The following ZMYM2 variants were observed in gnomAD, a reference collection of about 807,000 sequenced individuals.
The protein encoded by ZMYM2 is zinc finger MYM-type containing 2.
A neutral mutation model predicts 162.8 loss-of-function variants in ZMYM2; 56 were observed. The ratio of observed to expected loss-of-function variants is 0.34; its 90% confidence interval spans 0.28 to 0.43. The LOEUF (loss-of-function observed/expected upper bound fraction) is 0.43, where lower values mean the gene tolerates loss of function less well. Ranked by LOEUF, ZMYM2 falls within the 20% of genes least tolerant of loss-of-function variation. The pLI, the probability that ZMYM2 is intolerant of heterozygous loss-of-function variation, is 1.00. For synonymous variants in ZMYM2, 510 were observed against 541.6 expected (o/e 0.94, Z 0.81); for missense variants, 1,275 against 1,621.8 (o/e 0.79, Z 3.67).
intron 14 of ZMYM2, among the ~76,000 whole-genome samples, chr13:20,054,449 T>A (rs1390357013): frequency 2.0e-5 from 3 of 152,162 alleles, no homozygotes; most frequent in Non-Finnish European, 4.4e-5. Flanking sequence ...TCCTCCTATG[T>A]AAAATGGGAG....
chr13:19,993,239 A>C lies in ZMYM2; in HGVS notation c.167A>C (p.Asp56Ala). ...AAGTTTCAGAACTCGTCAGTGGAAG[A>C]TGATGATGATGTTGTTTTTATCGAA... is the stretch of plus-strand genomic sequence containing the variant. ...SNKFQNSSVEDDDDVVFIEPV... is the reference protein window; with the variant it reads ...SNKFQNSSVEADDDVVFIEPV... Residue 56 changes from aspartate to alanine, a missense_variant, in exon 3 of 25, where the codon GAT becomes GCT. This residue lies in a region of ZMYM2 where 295 missense variants were observed against 286.7 expected (regional missense o/e 1.03). Coordinates refer to ENST00000610343, the MANE Select transcript of ZMYM2 (RefSeq NM_197968.4). 1 of 1,613,972 alleles carries C rather than the reference A, an allele frequency of 6.2e-7. No homozygotes were observed. Among genetic ancestry groups the C allele is most frequent in the Non-Finnish European group, 8.5e-7 (1 of 1,179,884 alleles).
chr13:19,970,092 C>G, intron 2 of ZMYM2: 1 of 983,676 alleles, frequency 1.0e-6, no homozygotes, highest in Non-Finnish European at 1.2e-6. Flanking sequence ...TTTAAAAGCC[C>G]TCTACTCCAT....
the ZMYM2 span, among the ~76,000 whole-genome samples, chr13:19,890,205 T>TA: frequency 1.3e-3 from 196 of 151,962 alleles, 6 homozygotes; most frequent in African/African-American, 4.5e-3. Flanking sequence ...TCTTGCTCTG[T>TA]TACCCAGGCT....
At chr13:19,990,788 A>G (rs552298573) in intron 2 of ZMYM2, among the ~76,000 whole-genome samples, 2 of 152,300 alleles carry the variant, frequency 1.3e-5, no homozygotes, top group South Asian at 2.1e-4. Context: ...ATCTTTTCAG[A>G]TAATACACTA....
At chr13:19,930,955 T>C in the ZMYM2 span, among the ~76,000 whole-genome samples, 3 of 150,326 alleles carry the variant, frequency 2.0e-5, no homozygotes, top group African/African-American at 4.9e-5. Flanking sequence ...CTGGCTAATA[T>C]GGTGAAACCC....
chr13:19,947,606 A>G, the ZMYM2 span, among the ~76,000 whole-genome samples: 1 of 148,428 alleles, frequency 6.7e-6, no homozygotes. Context: ...TTACAGGCAC[A>G]CGCCACCACG....
At chr13:20,040,056 G>A (rs1264578827) in intron 12 of ZMYM2, among the ~76,000 whole-genome samples, 2 of 152,094 alleles carry the variant, frequency 1.3e-5, no homozygotes, top group Non-Finnish European at 2.9e-5. Context: ...TTCTTTTCTG[G>A]TTGTGTCTCT....
At chr13:19,872,287 A>C in the ZMYM2 span, among the ~76,000 whole-genome samples, 3 of 152,160 alleles carry the variant, frequency 2.0e-5, no homozygotes, top group African/African-American at 7.2e-5. Context: ...ACGGTGGCTC[A>C]TGCCTGTAAT....
Position 19,967,548 on chromosome 13 carries a change from T to C in ZMYM2, c.-11+7522T>C, listed in dbSNP as rs1955899706. On this transcript the variant is annotated intron_variant, in intron 2 of 24. Transcript: ENST00000610343. The stretch of plus-strand genomic sequence containing the variant: ...TTGTTGCAGAAGTATATACATTTAA[T>C]ACATTTATCAAATCTTTCACTTAAA... Among the ~76,000 whole-genome samples, 5 of 152,388 alleles carry C rather than the reference T, an allele frequency of 3.3e-5. No homozygotes were observed. The South Asian group carries it at 1.0e-3, about 32-fold the overall frequency.
At chr13:19,934,871 A>G in the ZMYM2 span, among the ~76,000 whole-genome samples, 4 of 151,364 alleles carry the variant, frequency 2.6e-5, no homozygotes, top group African/African-American at 9.8e-5. Flanking sequence ...GGTTCAAGCG[A>G]TTCTCCTGCC....
At chr13:19,878,517 C>CCCT in the ZMYM2 span, among the ~76,000 whole-genome samples, 1,362 of 99,048 alleles carry the variant, frequency 0.014, 31 homozygotes, top group African/African-American at 0.046. Flanking sequence ...TTCCTTTGCC[C>CCCT]TTTTTTTTTT....
chr13:19,906,068 G>A, the ZMYM2 span, among the ~76,000 whole-genome samples: 1 of 151,768 alleles, frequency 6.6e-6, no homozygotes, highest in Admixed American at 6.6e-5. Flanking sequence ...CTGAGGTCAG[G>A]AGTTGGAGAC....
At chr13:19,941,601 T>G in the ZMYM2 span, among the ~76,000 whole-genome samples, 1 of 151,996 alleles carries the variant, frequency 6.6e-6, no homozygotes, top group African/African-American at 2.4e-5. Context: ...TGGCTTTCTG[T>G]GATTGGTTAA....
the ZMYM2 span, among the ~76,000 whole-genome samples, chr13:19,876,957 G>A: frequency 2.0e-5 from 3 of 152,134 alleles, no homozygotes; most frequent in African/African-American, 7.2e-5. Flanking sequence ...CCAGGCGGTG[G>A]CTCACGCCTG....
chr13:20,001,993 T>C (rs1950427543), intron 3 of ZMYM2, among the ~76,000 whole-genome samples: 1 of 152,196 alleles, frequency 6.6e-6, no homozygotes, highest in African/African-American at 2.4e-5. Flanking sequence ...GTATTAGCTT[T>C]ATTGCAGTGA....
At chr13:19,947,076 C>T in the ZMYM2 span, among the ~76,000 whole-genome samples, 19 of 151,896 alleles carry the variant, frequency 1.3e-4, no homozygotes, top group Non-Finnish European at 2.1e-4. Flanking sequence ...GAGTCTCGCT[C>T]TGTCGCCCAG....
At chr13:19,937,815 T>A in the ZMYM2 span, among the ~76,000 whole-genome samples, 40 of 118,710 alleles carry the variant, frequency 3.4e-4, 1 homozygote, top group South Asian at 5.8e-4. Context: ...CAGTCCCTGG[T>A]GTGTGATGTT....
At chr13:20,073,615 T>C (rs759811259) in intron 21 of ZMYM2, among the ~76,000 whole-genome samples, 47 of 152,218 alleles carry the variant, frequency 3.1e-4, no homozygotes, top group South Asian at 4.1e-4. Flanking sequence ...AAACTAAAAT[T>C]TTCTCTAAAA....
chr13:20,067,484 TACCAAGAAAC>T, intron 21 of ZMYM2, 94 bp downstream of exon 21: 2 of 1,282,322 alleles, frequency 1.6e-6, no homozygotes, highest in South Asian at 3.8e-5. Flanking sequence ...TTTATTGACT[TACCAAGAAAC>T]ACATCTACAA....
Sources: gnomAD v4.1 joint callset for allele counts (sites outside exome capture counted in the v4.1 genomes callset) on GRCh38, gnomAD v4.1.1 for gene constraint, gnomAD v4.1.1 regional missense constraint, MANE v1.5 for transcripts, NCBI Gene and HGNC (gene_info 2026-07-23, HGNC 2026-07-21) for gene names.